Variants in CSMD3 observed in about 807,000 individuals in gnomAD.
CSMD3 encodes CUB and sushi domain-containing protein 3.
In CSMD3, 177 loss-of-function variants were observed where a neutral mutation model predicts 435.2. The ratio of observed to expected loss-of-function variants is 0.41; its 90% CI spans 0.36 to 0.46. CSMD3 has a LOEUF of 0.46. Ranked by LOEUF, CSMD3 falls within the 20% of genes least tolerant of loss-of-function variation. The pLI, the probability that CSMD3 is intolerant of heterozygous loss-of-function variation, is 0.34. For missense variants in CSMD3, 4,265 were observed against 4,504.6 expected, an observed-to-expected ratio of 0.95 and a Z score of 1.52; for synonymous variants, 1,656 against 1,520.5, an observed-to-expected ratio of 1.09 and a Z score of -2.07.
intron 9 of CSMD3, among the ~76,000 whole-genome samples, chr8:112,946,308 A>C (rs1203971540): frequency 2.6e-5 from 4 of 151,770 alleles, no homozygotes; most frequent in South Asian, 2.1e-4. Flanking sequence ...ATACATTATT[A>C]TTCTCAATTT....
intron 5 of CSMD3, among the ~76,000 whole-genome samples, chr8:113,079,836 C>A (rs192314762): frequency 6.6e-6 from 1 of 152,180 alleles, no homozygotes; most frequent in African/African-American, 2.4e-5. Flanking sequence ...ATAAGACATT[C>A]CTGTTTAAGT....
chr8:113,224,649 A>T (rs1208537534), intron 3 of CSMD3, among the ~76,000 whole-genome samples: 1 of 151,312 alleles, frequency 6.6e-6, no homozygotes, highest in Admixed American at 6.6e-5. Flanking sequence ...TACCTAAATA[A>T]TATTTATATA....
intron 32 of CSMD3, among the ~76,000 whole-genome samples, chr8:112,444,516 C>T (rs1242696792): frequency 6.6e-6 from 1 of 152,028 alleles, no homozygotes; most frequent in Non-Finnish European, 1.5e-5. Flanking sequence ...GGATATTACC[C>T]AGAAATTTAA....
intron 59 of CSMD3, 139 bp from the exon 60 acceptor site, chr8:112,265,729 T>C (rs899273082): frequency 1.1e-5 from 8 of 719,914 alleles, no homozygotes; most frequent in Non-Finnish European, 2.0e-5. Flanking sequence ...AACATAAACA[T>C]ATTTAAACCA....
intron 1 of CSMD3, among the ~76,000 whole-genome samples, chr8:113,403,135 G>A (rs945443741): frequency 4.6e-5 from 7 of 151,266 alleles, no homozygotes; most frequent in Admixed American, 2.0e-4. Context: ...AGCTGTGTCC[G>A]TTTTAGCATT....
intron 1 of CSMD3, among the ~76,000 whole-genome samples, chr8:113,349,364 T>C (rs1443355012): frequency 6.6e-6 from 1 of 152,182 alleles, no homozygotes; most frequent in Non-Finnish European, 1.5e-5. Context: ...TGCTAGCTCA[T>C]GAAATTTTAT....
At chr8:112,555,374 T>C (rs1357769309) in intron 25 of CSMD3, among the ~76,000 whole-genome samples, 1 of 152,056 alleles carries the variant, frequency 6.6e-6, no homozygotes, top group Non-Finnish European at 1.5e-5. Flanking sequence ...TCAATATTTA[T>C]ACATTTATGG....
At chr8:112,329,634 C>G (rs955164809) in intron 45 of CSMD3, among the ~76,000 whole-genome samples, 11 of 152,056 alleles carry the variant, frequency 7.2e-5, no homozygotes, top group African/African-American at 2.4e-4. Context: ...TTATCATGAG[C>G]TAATAAATCT....
At chr8:112,944,801 G>A (rs989305483) in intron 9 of CSMD3, among the ~76,000 whole-genome samples, 1 of 151,476 alleles carries the variant, frequency 6.6e-6, no homozygotes, top group Non-Finnish European at 1.5e-5. Flanking sequence ...CTCATGAGCA[G>A]GATTTGGCAG....
intron 3 of CSMD3, among the ~76,000 whole-genome samples, chr8:113,177,588 A>T (rs2092365152): frequency 2.0e-5 from 3 of 151,964 alleles, no homozygotes; most frequent in African/African-American, 7.2e-5. Flanking sequence ...AGTACTTTAA[A>T]ACCAATTACA....
intron 27 of CSMD3, among the ~76,000 whole-genome samples, chr8:112,528,341 C>A (rs539056173): frequency 3.3e-5 from 5 of 152,004 alleles, no homozygotes; most frequent in African/African-American, 4.8e-5. Context: ...ACTAGTTATA[C>A]ACTCTTAGGT....
intron 10 of CSMD3, among the ~76,000 whole-genome samples, chr8:112,877,630 C>T (rs1437695019): frequency 1.3e-5 from 2 of 152,062 alleles, no homozygotes; most frequent in Non-Finnish European, 2.9e-5. Flanking sequence ...GCAAAAAGAA[C>T]AAAGCTGGAG....
intron 22 of CSMD3, among the ~76,000 whole-genome samples, chr8:112,634,437 C>A (rs1005308888): frequency 2.0e-5 from 3 of 151,870 alleles, no homozygotes; most frequent in African/African-American, 7.2e-5. Context: ...TGTATGCCTA[C>A]CGTGGAATTT....
At chr8:112,779,214 T>C (rs1279516490) in intron 13 of CSMD3, among the ~76,000 whole-genome samples, 1 of 151,552 alleles carries the variant, frequency 6.6e-6, no homozygotes, top group Non-Finnish European at 1.5e-5. Flanking sequence ...TATTTAACAT[T>C]GACCTCAGCA....
At chr8:112,418,659 C>A (rs1170781799) in intron 32 of CSMD3, among the ~76,000 whole-genome samples, 1 of 152,040 alleles carries the variant, frequency 6.6e-6, no homozygotes, top group East Asian at 1.9e-4. Flanking sequence ...ATCAGAAAGC[C>A]AGAATCTTAA....
intron 3 of CSMD3, among the ~76,000 whole-genome samples, chr8:113,242,549 C>A (rs2093230371): frequency 6.6e-6 from 1 of 152,012 alleles, no homozygotes; most frequent in African/African-American, 2.4e-5. Flanking sequence ...AGATCATCAT[C>A]AAACTGCAGT....
At chr8:113,412,335 T>G (rs781101062) in intron 1 of CSMD3, among the ~76,000 whole-genome samples, 1 of 152,128 alleles carries the variant, frequency 6.6e-6, no homozygotes, top group African/African-American at 2.4e-5. Flanking sequence ...TTGTCTTGTC[T>G]TCTCTACATG....
At chr8:112,225,514 A>G (rs1320063582) in intron 70 of CSMD3, among the ~76,000 whole-genome samples, 1 of 152,122 alleles carries the variant, frequency 6.6e-6, no homozygotes, top group Non-Finnish European at 1.5e-5. Flanking sequence ...CCACTTTAGG[A>G]GAGGTAATAG....
intron 10 of CSMD3, among the ~76,000 whole-genome samples, chr8:112,911,188 A>G (rs1261808792): frequency 6.6e-6 from 1 of 151,894 alleles, no homozygotes; most frequent in Non-Finnish European, 1.5e-5. Flanking sequence ...AACTGGATAC[A>G]ATTCTTAGTC....
Sources: gnomAD v4.1 joint callset for allele counts (sites outside exome capture counted in the v4.1 genomes callset) on GRCh38, gnomAD v4.1.1 for gene constraint, MANE v1.5 for transcripts, NCBI Gene and HGNC (gene_info 2026-07-23, HGNC 2026-07-21) for gene names.